The following DPYD variants were observed in gnomAD, a reference collection of about 807,000 sequenced individuals.
DPYD encodes dihydropyrimidine dehydrogenase.
A neutral mutation model predicts 116.2 loss-of-function variants in DPYD; 109 were observed. That is an observed-to-expected ratio of 0.94 (90% CI 0.80 to 1.10). DPYD has a LOEUF of 1.10. Ranked by LOEUF, DPYD falls within the 50% of genes least tolerant of loss-of-function variation. The pLI is 0.00. For synonymous variants in DPYD, 440 were observed against 432.0 expected (o/e 1.02, Z -0.23); for missense variants, 1,302 against 1,254.5 (o/e 1.04, Z -0.57).
chr1:97,758,522 T>A (rs1023256106), intron 3 of DPYD, among the ~76,000 whole-genome samples: 1 of 152,178 alleles, frequency 6.6e-6, no homozygotes, highest in Non-Finnish European at 1.5e-5. Context: ...TTAAAAAGAA[T>A]GTGAATAACT....
chr1:97,595,176 C>A lies in DPYD; in HGVS notation c.851-10G>T. The A allele has an allele frequency of 6.2e-7, 1 of 1,608,848 alleles. No homozygotes were observed. The highest frequency in any genetic ancestry group is 8.5e-7 in the Non-Finnish European group (1 of 1,175,600). On this transcript the variant is annotated splice_polypyrimidine_tract_variant and intron_variant, in intron 8 of 22. Coordinates refer to ENST00000370192, the MANE Select transcript of DPYD (RefSeq NM_000110.4). ...TTGGGTTCTGGCAAACCTAAGTAAT[C>A]AAATTTATAAAATATCATTAGCAGG... is the stretch of plus-strand genomic sequence containing the variant.
At chr1:97,728,119 T>A (rs1396072973) in intron 4 of DPYD, among the ~76,000 whole-genome samples, 1 of 151,986 alleles carries the variant, frequency 6.6e-6, no homozygotes, top group Non-Finnish European at 1.5e-5. Context: ...TGCATAGAGA[T>A]ATTTTATGTA....
chr1:97,318,814 T>C (rs539521440), intron 16 of DPYD, among the ~76,000 whole-genome samples: 1,501 of 149,936 alleles, frequency 0.01, 25 homozygotes, highest in African/African-American at 0.035. Context: ...ATTCCAAAAT[T>C]GACCACATAG....
intron 14 of DPYD, among the ~76,000 whole-genome samples, chr1:97,446,828 C>G (rs1479907598): frequency 6.6e-6 from 1 of 152,078 alleles, no homozygotes; most frequent in Non-Finnish European, 1.5e-5. Context: ...TCTGCAAGCC[C>G]TAGTTATTCT....
chr1:97,257,272 T>C (rs1461120873), intron 18 of DPYD, among the ~76,000 whole-genome samples: 1 of 151,828 alleles, frequency 6.6e-6, no homozygotes, highest in Non-Finnish European at 1.5e-5. Flanking sequence ...ATATTTGATA[T>C]CTTGTTATTA....
At chr1:97,508,687 T>C (rs2811179) in intron 13 of DPYD, among the ~76,000 whole-genome samples, 26,567 of 151,788 alleles carry the variant, frequency 0.18, 2,546 homozygotes, top group East Asian at 0.26. Flanking sequence ...CCAGAGAGGA[T>C]ACATTATGTA....
At chr1:97,374,458 C>T (rs376000273) in intron 15 of DPYD, among the ~76,000 whole-genome samples, 5 of 152,040 alleles carry the variant, frequency 3.3e-5, no homozygotes, top group East Asian at 1.9e-4. Flanking sequence ...CAGTGGCTCA[C>T]GCCTGTAATC....
At chr1:97,352,134 C>G (rs1327044781) in intron 16 of DPYD, among the ~76,000 whole-genome samples, 1 of 152,006 alleles carries the variant, frequency 6.6e-6, no homozygotes, top group Non-Finnish European at 1.5e-5. Context: ...TCTCAAATAA[C>G]TCTAAATAAA....
At chr1:97,760,736 G>A (rs1665528814) in intron 3 of DPYD, among the ~76,000 whole-genome samples, 2 of 152,130 alleles carry the variant, frequency 1.3e-5, no homozygotes, top group African/African-American at 4.8e-5. Flanking sequence ...AAGACACAGG[G>A]TAGCAAGCAT....
chr1:97,913,362 A>G (rs925468539), intron 1 of DPYD, among the ~76,000 whole-genome samples: 3 of 152,144 alleles, frequency 2.0e-5, no homozygotes, highest in Admixed American at 2.0e-4. Flanking sequence ...ACACCAGGTC[A>G]CATTTCCAAA....
intron 21 of DPYD, among the ~76,000 whole-genome samples, chr1:97,085,641 TCCA>T (rs759052147): frequency 6.6e-6 from 1 of 152,188 alleles, no homozygotes; most frequent in Non-Finnish European, 1.5e-5. Flanking sequence ...TCCCAAAGCC[TCCA>T]GGTAGTACTA....
chr1:97,437,951 C>A (rs972668383), intron 14 of DPYD, among the ~76,000 whole-genome samples: 2 of 151,898 alleles, frequency 1.3e-5, no homozygotes, highest in Admixed American at 6.6e-5. Flanking sequence ...ATAAGAACAC[C>A]CAATTTTTCC....
intron 12 of DPYD, among the ~76,000 whole-genome samples, chr1:97,522,680 C>T (rs1227033141): frequency 1.3e-5 from 2 of 151,242 alleles, no homozygotes; most frequent in East Asian, 3.9e-4. Context: ...GATCACGCCA[C>T]TGCTCTCCAG....
At position 97,650,973 on chromosome 1, in the gene DPYD, T is replaced by C. The variant is rs183441391; in HGVS notation, c.850+28122A>G. On this transcript the variant is annotated intron_variant, in intron 8 of 22. Coordinates refer to ENST00000370192, the MANE Select transcript of DPYD (RefSeq NM_000110.4). ...AACTAAAAATTGTTCAATCATAAAATGATAGATTATTCAAATGTCTAGCCA... is the reference window on the plus strand; with the variant it reads ...AACTAAAAATTGTTCAATCATAAAACGATAGATTATTCAAATGTCTAGCCA... Among the ~76,000 whole-genome samples the C allele has an allele frequency of 1.4e-4, 22 of 152,236 alleles. No individual in the cohort carries two copies. In the East Asian group the frequency reaches 3.7e-3, roughly 25 times the overall value.
At chr1:97,838,602 T>C (rs1460762843) in intron 2 of DPYD, among the ~76,000 whole-genome samples, 1 of 151,944 alleles carries the variant, frequency 6.6e-6, no homozygotes, top group African/African-American at 2.4e-5. Flanking sequence ...TCCCAGCACT[T>C]TGGGAGGCCG....
chr1:97,314,479 G>C (rs1041794742), intron 16 of DPYD, among the ~76,000 whole-genome samples: 1 of 142,012 alleles, frequency 7.0e-6, no homozygotes, highest in Admixed American at 7.5e-5. Flanking sequence ...CCACTTAGTC[G>C]CTAAAGCTTT....
At chr1:97,108,211 C>G (rs1392755197) in intron 20 of DPYD, among the ~76,000 whole-genome samples, 1 of 152,112 alleles carries the variant, frequency 6.6e-6, no homozygotes, top group Admixed American at 6.6e-5. Flanking sequence ...ACAGCACTCA[C>G]TTGGGAATTA....
intron 13 of DPYD, among the ~76,000 whole-genome samples, chr1:97,478,146 T>A (rs879831893): frequency 6.6e-6 from 1 of 152,206 alleles, no homozygotes; most frequent in Non-Finnish European, 1.5e-5. Flanking sequence ...CCAGGTTGAT[T>A]GTCAAGAAGG....
intron 13 of DPYD, among the ~76,000 whole-genome samples, chr1:97,495,455 T>C (rs1166437537): frequency 6.6e-6 from 1 of 152,176 alleles, no homozygotes; most frequent in Admixed American, 6.5e-5. Flanking sequence ...GTTTTTCAAC[T>C]TTATTCATGT....
Sources: allele counts gnomAD v4.1 joint callset (sites outside exome capture counted in the v4.1 genomes callset), GRCh38; gene constraint gnomAD v4.1.1; transcripts MANE v1.5; gene names NCBI Gene and HGNC (gene_info 2026-07-23, HGNC 2026-07-21).